MALRD1: variants seen among roughly 807,000 people sequenced by gnomAD.
MALRD1 encodes the protein MAM and LDL-receptor class A domain-containing protein 1.
In MALRD1, 247 loss-of-function variants were observed where a neutral mutation model predicts 242.1. That is an observed-to-expected ratio of 1.02 (90% CI 0.92 to 1.13). The LOEUF (loss-of-function observed/expected upper bound fraction) is 1.13, where lower values mean the gene tolerates loss of function less well. Among genes scored for constraint, MALRD1 ranks in the 50% most tolerant of loss-of-function variants. The pLI is 0.00. For synonymous variants in MALRD1, 995 were observed against 866.6 expected (o/e 1.15, Z -2.60); for missense variants, 2,989 against 2,533.1 (o/e 1.18, Z -3.86).
intron 33 of MALRD1, among the ~76,000 whole-genome samples, chr10:19,571,924 C>T (rs1836565188): frequency 6.6e-6 from 1 of 152,126 alleles, no homozygotes; most frequent in Admixed American, 6.5e-5. Flanking sequence ...AGATTAACAT[C>T]CTACGATGAA....
chr10:19,612,904 A>G (rs1471725541), intron 35 of MALRD1, among the ~76,000 whole-genome samples: 3 of 152,056 alleles, frequency 2.0e-5, no homozygotes, highest in African/African-American at 7.2e-5. Flanking sequence ...AACACTGGGG[A>G]TCACAGTTTG....
chr10:19,209,694 A>T lies in MALRD1; in HGVS notation c.2991+14A>T. ...CAGCCCTTTCAGGTATGGATAATAG[A>T]TTTTATAATGTACATTTGAAATGCA... On this transcript the variant is annotated intron_variant, in intron 18 of 39. Transcript: ENST00000454679. 1 of 1,519,212 alleles carries T rather than the reference A, an allele frequency of 6.6e-7. No homozygotes were observed. Among genetic ancestry groups the T allele is most frequent in the Non-Finnish European group, 8.8e-7 (1 of 1,132,272 alleles). The allele number at this position is 1,519,212 out of a possible 1,614,324, so 94.1% of individuals were successfully genotyped here. A position where few individuals can be genotyped will look rare whatever the true frequency, so the allele number is the denominator to read the frequency against.
chr10:19,372,286 A>AT (rs1210682363), intron 26 of MALRD1, among the ~76,000 whole-genome samples: 3 of 152,144 alleles, frequency 2.0e-5, no homozygotes, highest in East Asian at 3.8e-4. Context: ...AAGAAATAGC[A>AT]TAAGACCTAT....
intron 29 of MALRD1, among the ~76,000 whole-genome samples, chr10:19,479,260 A>T (rs1836880912): frequency 6.6e-6 from 1 of 152,202 alleles, no homozygotes; most frequent in Non-Finnish European, 1.5e-5. Context: ...GCACCATTGT[A>T]TAGCATTTCA....
intron 24 of MALRD1, among the ~76,000 whole-genome samples, chr10:19,344,983 T>C (rs1259263866): frequency 6.6e-6 from 1 of 152,158 alleles, no homozygotes; most frequent in Admixed American, 6.6e-5. Context: ...TGGCATTAAT[T>C]GCACCACAAA....
intron 4 of MALRD1, among the ~76,000 whole-genome samples, chr10:19,103,751 A>T (rs940050658): frequency 1.3e-5 from 2 of 152,032 alleles, no homozygotes; most frequent in Non-Finnish European, 2.9e-5. Context: ...TTTCACTATC[A>T]TGTTACCTAT....
chr10:19,444,494 G>A (rs1388785267), intron 28 of MALRD1, among the ~76,000 whole-genome samples: 1 of 152,144 alleles, frequency 6.6e-6, no homozygotes, highest in Non-Finnish European at 1.5e-5. Context: ...CTATTGTAAG[G>A]CAGGCTTGGT....
At position 19,530,368 on chromosome 10, in the gene MALRD1, T is replaced by TATATAA. The variant is rs1487463858; in HGVS notation, c.5321-824_5321-823insATAAAT. Among the ~76,000 whole-genome samples, 7 of 108,644 alleles carry TATATAA rather than the reference T, an allele frequency of 6.4e-5. 1 individual carries two copies. The highest frequency in any genetic ancestry group is 3.1e-4 in the Admixed American group (3 of 9,620). The allele number at this position is 108,644 out of a possible 152,430, so 71.3% of individuals were successfully genotyped here. On this transcript the variant is annotated intron_variant, in intron 31 of 39. Transcript: ENST00000454679. ...TATAAATATATAATATTTATATAAA[T>TATATAA]ATTTATATAAATATTATATATTTAT...
At chr10:19,512,128 T>A (rs1461703218) in intron 31 of MALRD1, among the ~76,000 whole-genome samples, 1 of 152,140 alleles carries the variant, frequency 6.6e-6, no homozygotes, top group Non-Finnish European at 1.5e-5. Flanking sequence ...GCAGTCTTTC[T>A]CTAGTGTCAC....
At chr10:19,490,419 C>T (rs891117879) in intron 29 of MALRD1, among the ~76,000 whole-genome samples, 1 of 148,590 alleles carries the variant, frequency 6.7e-6, no homozygotes, top group Non-Finnish European at 1.5e-5. Flanking sequence ...TCTGCACAAG[C>T]GAGTACAGGC....
chr10:19,448,258 A>G (rs556388965), intron 28 of MALRD1, among the ~76,000 whole-genome samples: 38 of 151,984 alleles, frequency 2.5e-4, no homozygotes, highest in Non-Finnish European at 3.4e-4. Flanking sequence ...CTATAAATCT[A>G]TTGGAACATT....
intron 1 of MALRD1, among the ~76,000 whole-genome samples, chr10:19,059,310 T>C (rs1246186543): frequency 1.3e-5 from 2 of 150,844 alleles, no homozygotes; most frequent in African/African-American, 5.0e-5. Flanking sequence ...TCTCTGTGTG[T>C]TGGGCTTCTA....
chr10:19,624,841 C>G (rs2131632485), intron 36 of MALRD1, among the ~76,000 whole-genome samples: 1 of 148,544 alleles, frequency 6.7e-6, no homozygotes, highest in African/African-American at 2.5e-5. Context: ...ACTCCACACT[C>G]CAGCCTGGGT....
intron 31 of MALRD1, among the ~76,000 whole-genome samples, chr10:19,499,267 A>T (rs1030737494): frequency 2.6e-5 from 4 of 152,156 alleles, no homozygotes; most frequent in Non-Finnish European, 5.9e-5. Flanking sequence ...CTCAGAATTT[A>T]TCTTAGAAAT....
chr10:19,254,563 G>C (rs1409793178), intron 18 of MALRD1, among the ~76,000 whole-genome samples: 3 of 151,936 alleles, frequency 2.0e-5, no homozygotes, highest in Non-Finnish European at 2.9e-5. Flanking sequence ...TGCCATTTAG[G>C]ATTCTCATCA....
rs561520728 is a variant in MALRD1 at position 19,561,509 on chromosome 10, T to A, written c.5479-5993T>A. Among the ~76,000 whole-genome samples, 10 of 152,308 alleles carry A rather than the reference T, an allele frequency of 6.6e-5. No homozygotes were observed. In the South Asian group the frequency reaches 2.1e-3, roughly 32 times the overall value. The stretch of plus-strand genomic sequence containing the variant: ...TGTGAGCTTTTGCCTCAAATGATGC[T>A]CTGTTGTTAGGTGCATACACATAAA... On this transcript the variant is annotated intron_variant, in intron 32 of 39. Transcript: ENST00000454679.
chr10:19,710,672 C>A (rs914773406), intron 38 of MALRD1: 1 of 152,148 alleles, frequency 6.6e-6, no homozygotes, highest in Admixed American at 6.5e-5. Flanking sequence ...TACTGTATTA[C>A]GGCTCCATAT....
At chr10:19,718,218 A>AAGC (rs2131894932) in intron 38 of MALRD1, among the ~76,000 whole-genome samples, 1 of 151,966 alleles carries the variant, frequency 6.6e-6, no homozygotes, top group South Asian at 2.1e-4. Context: ...GAAGAAGAAG[A>AAGC]AGAAGCAACA....
At position 19,389,475 on chromosome 10, in the gene MALRD1, A is replaced by C; in HGVS notation, c.4711A>C (p.Thr1571Pro). 1.3e-6 allele frequency: 2 copies of C among 1,550,568 alleles called. No individual in the cohort carries two copies. Among genetic ancestry groups the C allele is most frequent in the Non-Finnish European group, 1.7e-6 (2 of 1,146,946 alleles). The change falls in exon 28 of 40, where the codon ACT becomes CCT. Residue 1571 changes from threonine (T) to proline (P), a missense_variant. By Grantham distance (38) the Thr-to-Pro change is conservative (BLOSUM62 -1). Transcript: ENST00000454679. ...ENGHFMYLEA[T>P]AVGLRGDKAH... ...AGGGCACTTCATGTATCTGGAAGCTACTGCAGTGGGCCTTCGGGGTGACAA... is the reference window on the plus strand; with the variant it reads ...AGGGCACTTCATGTATCTGGAAGCTCCTGCAGTGGGCCTTCGGGGTGACAA...
Sources: allele counts gnomAD v4.1 joint callset (sites outside exome capture counted in the v4.1 genomes callset), GRCh38; gene constraint gnomAD v4.1.1; transcripts MANE v1.5; gene names NCBI Gene and HGNC (gene_info 2026-07-23, HGNC 2026-07-21).